Variants in STPG2 observed in about 807,000 individuals in gnomAD.
STPG2 encodes the protein sperm tail PG-rich repeat containing 2.
Under a neutral mutation model 54.2 loss-of-function variants are expected in STPG2, and 56 were observed. The ratio of observed to expected loss-of-function variants is 1.03; its 90% CI spans 0.83 to 1.29. The LOEUF is 1.29. STPG2 is among the 50% of genes most tolerant of loss of function. The pLI is 0.00. For missense variants in STPG2, 596 were observed against 544.9 expected, an observed-to-expected ratio of 1.09 and a Z score of -0.93; for synonymous variants, 200 against 181.8, an observed-to-expected ratio of 1.10 and a Z score of -0.81.
chr4:97,966,269 G>T (rs1477961628), intron 7 of STPG2, among the ~76,000 whole-genome samples: 5 of 151,910 alleles, frequency 3.3e-5, no homozygotes, highest in African/African-American at 7.2e-5. Context: ...AATCAAAAGG[G>T]TATCAGTGGT....
At chr4:97,894,163 A>G (rs1424859644) in intron 8 of STPG2, among the ~76,000 whole-genome samples, 1 of 151,992 alleles carries the variant, frequency 6.6e-6, no homozygotes. Flanking sequence ...TGTGGTAGGA[A>G]TGAATCCAGT....
At chr4:97,587,456 T>C (rs1279748545) in intron 10 of STPG2, among the ~76,000 whole-genome samples, 1 of 151,950 alleles carries the variant, frequency 6.6e-6, no homozygotes, top group Non-Finnish European at 1.5e-5. Flanking sequence ...AATGAGGATA[T>C]TTCAGAAATG....
At chr4:97,510,717 G>A (rs539388403) in intron 4 of STPG2, among the ~76,000 whole-genome samples, 2 of 152,186 alleles carry the variant, frequency 1.3e-5, no homozygotes, top group East Asian at 3.9e-4. Flanking sequence ...CACATGTGCA[G>A]TTCACAATAG....
intron 10 of STPG2, among the ~76,000 whole-genome samples, chr4:97,675,980 CTA>C (rs915851798): frequency 5.6e-5 from 8 of 143,348 alleles, no homozygotes; most frequent in Non-Finnish European, 9.1e-5. Flanking sequence ...AGACAATATA[CTA>C]TATATATAAA....
chr4:98,022,726 C>A (rs555357052), intron 5 of STPG2, among the ~76,000 whole-genome samples: 2 of 152,092 alleles, frequency 1.3e-5, no homozygotes, highest in Non-Finnish European at 2.9e-5. Flanking sequence ...TCTTTTTATT[C>A]TTTTTTCTCT....
intron 9 of STPG2, among the ~76,000 whole-genome samples, chr4:97,782,059 A>G (rs1726645638): frequency 6.6e-6 from 1 of 152,218 alleles, no homozygotes; most frequent in African/African-American, 2.4e-5. Flanking sequence ...CCTATTCAGC[A>G]TAGTGTTGGA....
At chr4:97,967,965 C>T (rs571065691) in intron 7 of STPG2, among the ~76,000 whole-genome samples, 56 of 152,002 alleles carry the variant, frequency 3.7e-4, no homozygotes, top group African/African-American at 1.3e-3. Flanking sequence ...GAAGCAAGAG[C>T]AAACACATTC....
intron 8 of STPG2, among the ~76,000 whole-genome samples, chr4:97,943,352 T>C (rs1389677764): frequency 6.6e-6 from 1 of 152,190 alleles, no homozygotes; most frequent in African/African-American, 2.4e-5. Flanking sequence ...CTTTGATATA[T>C]TTGTAAATTC....
At chr4:97,852,975 T>C (rs1298130395) in intron 8 of STPG2, among the ~76,000 whole-genome samples, 29 of 121,466 alleles carry the variant, frequency 2.4e-4, no homozygotes, top group African/African-American at 9.0e-4. Flanking sequence ...TTCTTTTTTT[T>C]TTTTTTTTTT....
intron 6 of STPG2, among the ~76,000 whole-genome samples, chr4:97,976,792 G>A (rs1358031898): frequency 6.6e-6 from 1 of 151,930 alleles, no homozygotes; most frequent in Non-Finnish European, 1.5e-5. Context: ...AATTTAACTT[G>A]CCCTTTATAA....
At chr4:98,006,671 A>T (rs1560632326) in intron 5 of STPG2, among the ~76,000 whole-genome samples, 2 of 152,144 alleles carry the variant, frequency 1.3e-5, no homozygotes, top group Non-Finnish European at 2.9e-5. Context: ...ACTTCACAGG[A>T]CAAGAACAGG....
intron 7 of STPG2, among the ~76,000 whole-genome samples, chr4:97,949,717 C>T (rs1733394217): frequency 1.3e-5 from 2 of 152,086 alleles, no homozygotes; most frequent in Non-Finnish European, 2.9e-5. Flanking sequence ...GACCCCAGTC[C>T]CTTCTGGTTT....
intron 5 of STPG2, among the ~76,000 whole-genome samples, chr4:98,064,638 A>G (rs1438271976): frequency 1.3e-5 from 2 of 152,208 alleles, no homozygotes; most frequent in Non-Finnish European, 2.9e-5. Context: ...AACATGAGGC[A>G]TTCTCTACTG....
intron 8 of STPG2, among the ~76,000 whole-genome samples, chr4:97,862,070 C>T (rs1384941398): frequency 1.3e-5 from 2 of 151,986 alleles, no homozygotes; most frequent in East Asian, 3.9e-4. Context: ...TCACACATAA[C>T]AATATTAACC....
chr4:97,749,972 T>C (rs1238547031), intron 9 of STPG2, among the ~76,000 whole-genome samples: 5 of 151,820 alleles, frequency 3.3e-5, no homozygotes, highest in African/African-American at 7.2e-5. Flanking sequence ...ATCCTAGGGA[T>C]GGTACCACCA....
At chr4:97,906,934 G>A (rs1342902451) in intron 8 of STPG2, among the ~76,000 whole-genome samples, 4 of 151,558 alleles carry the variant, frequency 2.6e-5, no homozygotes, top group Admixed American at 6.6e-5. Context: ...AAAACTGGAA[G>A]CATTCCCTTT....
intron 9 of STPG2, among the ~76,000 whole-genome samples, chr4:97,764,315 CACTT>C (rs1441314777): frequency 6.6e-6 from 1 of 152,154 alleles, no homozygotes; most frequent in Non-Finnish European, 1.5e-5. Context: ...TTATTTACAG[CACTT>C]ACTTCAGTTT....
intron 5 of STPG2, among the ~76,000 whole-genome samples, chr4:98,088,672 GAAAAAAAA>G (rs61146705): frequency 8.0e-6 from 1 of 125,396 alleles, no homozygotes; most frequent in Non-Finnish European, 1.7e-5. Context: ...TCCTTTAGGG[GAAAAAAAA>G]AAAAAAAAAA....
rs3974908 is a variant in STPG2 at position 97,764,112 on chromosome 4, G to GCACACACACACACA, written c.1205-51312_1205-51299dup. On this transcript the variant is annotated intron_variant, in intron 9 of 10. Coordinates refer to ENST00000295268, the MANE Select transcript of STPG2 (RefSeq NM_174952.3). ...AAATCCAACCTCCACAACACCACAT[G>GCACACACACACACA]CACACACACACACACACACACACAC... is the stretch of plus-strand genomic sequence containing the variant. 1.5e-3 allele frequency among the ~76,000 whole-genome samples: 208 copies of GCACACACACACACA among 141,170 alleles called. 2 individuals are homozygous for GCACACACACACACA. The highest frequency in any genetic ancestry group is 5.0e-3 in the African/African-American group (191 of 38,450). The allele number at this position is 141,170 out of a possible 152,430, so 92.6% of individuals were successfully genotyped here.
Sources: gnomAD v4.1 joint callset for allele counts (sites outside exome capture counted in the v4.1 genomes callset) on GRCh38, gnomAD v4.1.1 for gene constraint, MANE v1.5 for transcripts, NCBI Gene and HGNC (gene_info 2026-07-23, HGNC 2026-07-21) for gene names.